The following KHDRBS1 variants were observed in gnomAD, a reference collection of about 807,000 sequenced individuals.
KHDRBS1 encodes KH domain-containing, RNA-binding, signal transduction-associated protein 1.
A neutral mutation model predicts 48.4 loss-of-function variants in KHDRBS1; 7 were observed. That is an observed-to-expected ratio of 0.14 (90% CI 0.08 to 0.27). KHDRBS1 has a LOEUF of 0.27. Ranked by LOEUF, KHDRBS1 falls within the 10% of genes least tolerant of loss-of-function variation. The pLI is 1.00. For synonymous variants in KHDRBS1, 241 were observed against 235.8 expected (o/e 1.02, Z -0.20); for missense variants, 458 against 601.2 (o/e 0.76, Z 2.49).
intron 10 of KHDRBS1, chr1:32,054,444 G>A (rs1639457327): frequency 1.3e-5 from 2 of 152,108 alleles, no homozygotes; most frequent in South Asian, 2.1e-4. Flanking sequence ...TACTTGAGTC[G>A]TTTGAGGATG....
chr1:32,020,639 T>C (rs1377515035), intron 1 of KHDRBS1, among the ~76,000 whole-genome samples: 1 of 147,322 alleles, frequency 6.8e-6, no homozygotes, highest in Non-Finnish European at 1.5e-5. Context: ...AAAAAGGAAC[T>C]GTTAATAAAT....
intron 1 of KHDRBS1, among the ~76,000 whole-genome samples, chr1:32,017,179 A>T (rs1305980364): frequency 6.6e-6 from 1 of 152,068 alleles, no homozygotes; most frequent in African/African-American, 2.4e-5. Flanking sequence ...AATCACTTGA[A>T]ACCGGGAGTT....
chr1:32,033,095 T>G, intron 3 of KHDRBS1, 93 bp from the exon 4 acceptor site: 1 of 890,278 alleles, frequency 1.1e-6, no homozygotes, highest in East Asian at 2.4e-5. Context: ...TCATGGACAT[T>G]AGGGGTATTT....
chr1:32,030,277 T>G, intron 1 of KHDRBS1, 21 bp from the exon 2 acceptor site: 1 of 1,598,370 alleles, frequency 6.3e-7, no homozygotes, highest in Non-Finnish European at 8.5e-7. Flanking sequence ...AGGGCAAAAA[T>G]AAATTGTTTT....
intron 10 of KHDRBS1, among the ~76,000 whole-genome samples, chr1:32,053,379 A>G (rs1430642582): frequency 1.3e-5 from 2 of 152,156 alleles, no homozygotes; most frequent in East Asian, 1.9e-4. Context: ...TATAGCTTTA[A>G]GCAGACTAAT....
intron 3 of KHDRBS1, among the ~76,000 whole-genome samples, chr1:32,032,065 T>G (rs1217431379): frequency 5.9e-5 from 9 of 152,178 alleles, no homozygotes; most frequent in Non-Finnish European, 1.3e-4. Flanking sequence ...TGAGGATTAG[T>G]TGGTTTGTTT....
At position 32,036,904 on chromosome 1, in the gene KHDRBS1, T is replaced by G; in HGVS notation, c.772-6T>G. 1.2e-6 allele frequency: 2 copies of G among 1,611,754 alleles called. No individual in the cohort carries two copies. Among genetic ancestry groups the G allele is most frequent in the Non-Finnish European group, 1.7e-6 (2 of 1,178,764 alleles). On this transcript the variant is annotated splice_polypyrimidine_tract_variant and splice_region_variant and intron_variant, in intron 4 of 8. Coordinates refer to ENST00000327300, the MANE Select transcript of KHDRBS1 (RefSeq NM_006559.3). ...ACACAATACTCCTTGTATCTTTCGT[T>G]CCCAGGATATGATGGATGATATCTG...
At chr1:32,038,436 G>T (rs1004056935) in intron 6 of KHDRBS1, 116 bp from the exon 7 acceptor site, 2 of 1,007,298 alleles carry the variant, frequency 2.0e-6, no homozygotes, top group Admixed American at 2.1e-5. Context: ...CATTTTGGAG[G>T]GAAATGTCAT....
intron 10 of KHDRBS1, among the ~76,000 whole-genome samples, chr1:32,056,820 T>C (rs1569829102): frequency 6.6e-6 from 1 of 152,244 alleles, no homozygotes; most frequent in Non-Finnish European, 1.5e-5. Context: ...TAAAAATACA[T>C]TCACTATTAT....
Position 32,036,945 on chromosome 1 carries a change from A to G in KHDRBS1, c.807A>G (p.Leu269=). The G allele has an allele frequency of 6.2e-7, 1 of 1,613,936 alleles. No homozygotes were observed. ...MMDDICQEQF[L]ELSYLNGVPE... is the part of the protein sequence containing the mutation. ...ATGATATCTGTCAGGAGCAATTTCT[A>G]GAGCTGTCCTACTTGAATGGAGTAC... The change falls in exon 5 of 9, where the codon CTA becomes CTG. Residue 269 remains leucine, a synonymous_variant. Coordinates refer to ENST00000327300, the MANE Select transcript of KHDRBS1 (RefSeq NM_006559.3).
At chr1:32,048,358 GC>G (rs1324931988), downstream of KHDRBS1, among the ~76,000 whole-genome samples, 1 of 152,024 alleles carries the variant, frequency 6.6e-6, no homozygotes, top group Non-Finnish European at 1.5e-5. Flanking sequence ...AGTTAGCTGG[GC>G]ATTAGCTGGG....
intron 1 of KHDRBS1, among the ~76,000 whole-genome samples, chr1:32,028,103 C>T (rs934623338): frequency 2.0e-5 from 3 of 152,124 alleles, no homozygotes; most frequent in African/African-American, 7.2e-5. Context: ...GGTGACAGAG[C>T]GAGACTTTGT....
At chr1:32,037,749 C>G in intron 5 of KHDRBS1, 86 bp from the exon 6 acceptor site, 1 of 1,468,206 alleles carries the variant, frequency 6.8e-7, no homozygotes, top group South Asian at 1.2e-5. Context: ...TAAAATCTGC[C>G]TAATTCCAGA....
chr1:32,060,266 T>G (rs1050211818), exon 11 of KHDRBS1: 3 of 152,310 alleles, frequency 2.0e-5, no homozygotes, highest in African/African-American at 4.8e-5. Context: ...ATCAGCAGTT[T>G]TCTTTCACTC....
chr1:32,036,660 TAGAG>T (rs967524309), intron 4 of KHDRBS1, among the ~76,000 whole-genome samples: 1 of 151,892 alleles, frequency 6.6e-6, no homozygotes, highest in African/African-American at 2.4e-5. Context: ...AGGTTATATA[TAGAG>T]AGAGAATGGA....
chr1:32,017,115 G>A (rs977533496), intron 1 of KHDRBS1, among the ~76,000 whole-genome samples: 8 of 152,032 alleles, frequency 5.3e-5, no homozygotes, highest in African/African-American at 1.9e-4. Context: ...AAAATTAGCC[G>A]GGCGTGGTGG....
At chr1:32,033,079 T>C (rs1262696142) in intron 3 of KHDRBS1, 109 bp from the exon 4 acceptor site, 1 of 761,674 alleles carries the variant, frequency 1.3e-6, no homozygotes, top group Non-Finnish European at 2.2e-6. Flanking sequence ...TTAACTTTAC[T>C]GTTTTTCATG....
chr1:32,036,288 C>T (rs1639181064), intron 4 of KHDRBS1, among the ~76,000 whole-genome samples: 2 of 150,088 alleles, frequency 1.3e-5, no homozygotes, highest in South Asian at 4.3e-4. Context: ...TCTCCTGCCT[C>T]AGCCTTCCGA....
intron 10 of KHDRBS1, among the ~76,000 whole-genome samples, chr1:32,056,824 C>T (rs1639484013): frequency 6.6e-6 from 1 of 152,240 alleles, no homozygotes; most frequent in South Asian, 2.1e-4. Flanking sequence ...AATACATTCA[C>T]TATTATACAT....
Sources: allele counts gnomAD v4.1 joint callset (sites outside exome capture counted in the v4.1 genomes callset), GRCh38; gene constraint gnomAD v4.1.1; transcripts MANE v1.5; gene names NCBI Gene and HGNC (gene_info 2026-07-23, HGNC 2026-07-21).